ZNF385D: variants seen among roughly 807,000 people sequenced by gnomAD.
The protein encoded by ZNF385D is zinc finger protein 659.
In ZNF385D, 15 loss-of-function variants were observed where a neutral mutation model predicts 35.8. The ratio of observed to expected loss-of-function variants is 0.42; its 90% CI spans 0.28 to 0.64. ZNF385D has a LOEUF of 0.64. Among genes scored for constraint, ZNF385D ranks in the 30% least tolerant of loss-of-function variants. The pLI, the probability that ZNF385D is intolerant of heterozygous loss-of-function variation, is 0.23. For synonymous variants in ZNF385D, 212 were observed against 186.8 expected, an observed-to-expected ratio of 1.13 and a Z score of -1.10; for missense variants, 474 against 494.6, an observed-to-expected ratio of 0.96 and a Z score of 0.39.
chr3:21,519,048 G>T lies in ZNF385D; in HGVS notation c.277-8025C>A, dbSNP rs566955702. Among the ~76,000 whole-genome samples the T allele has an allele frequency of 1.3e-3, 204 of 152,126 alleles. 1 individual carries two copies. Among genetic ancestry groups the T allele is most frequent in the African/African-American group, 4.6e-3 (192 of 41,528 alleles). ...ATTCTTTTGAGCTCAAGTGATTGAT[G>T]CTTTACTTTAAATGTATTCCTGTCT... is the stretch of plus-strand genomic sequence containing the variant. On this transcript the variant is annotated intron_variant, in intron 3 of 7. Transcript: ENST00000281523.
intron 3 of ZNF385D, among the ~76,000 whole-genome samples, chr3:21,787,944 C>CAAAAAAAAAAAAAAAAAAAAAAAAAAAA (rs560982379): frequency 4.0e-5 from 3 of 75,382 alleles, no homozygotes; most frequent in Admixed American, 1.7e-4. Context: ...TTCGTCTCAA[C>CAAAAAAAAAAAAAAAAAAAAAAAAAAAA]AAAAAAAAAA....
At chr3:22,143,018 A>T (rs888038335) in intron 3 of ZNF385D, among the ~76,000 whole-genome samples, 7 of 133,404 alleles carry the variant, frequency 5.2e-5, no homozygotes, top group African/African-American at 2.1e-4. Flanking sequence ...CAATAATAAT[A>T]AAAAAAAAAG....
intron 1 of ZNF385D, among the ~76,000 whole-genome samples, chr3:21,676,376 C>T (rs1175478810): frequency 6.6e-6 from 1 of 152,090 alleles, no homozygotes; most frequent in Non-Finnish European, 1.5e-5. Context: ...GCAGGTTGTG[C>T]TTAAAACAAA....
chr3:21,877,071 G>C (rs1042421062), intron 3 of ZNF385D, among the ~76,000 whole-genome samples: 6 of 152,066 alleles, frequency 3.9e-5, no homozygotes, highest in African/African-American at 1.4e-4. Flanking sequence ...CTAGAGGGTT[G>C]TAACTACCAT....
intron 3 of ZNF385D, among the ~76,000 whole-genome samples, chr3:21,944,898 C>T (rs1443641400): frequency 2.0e-5 from 3 of 152,018 alleles, no homozygotes; most frequent in African/African-American, 7.2e-5. Context: ...CCTTCATCTT[C>T]ATTTTATAGA....
intron 2 of ZNF385D, among the ~76,000 whole-genome samples, chr3:22,300,804 T>C (rs935234636): frequency 6.6e-6 from 1 of 151,876 alleles, no homozygotes; most frequent in Non-Finnish European, 1.5e-5. Flanking sequence ...GGTAATAACA[T>C]GGAAAAAAGG....
At chr3:21,964,832 T>C (rs1473705810) in intron 3 of ZNF385D, among the ~76,000 whole-genome samples, 1 of 152,144 alleles carries the variant, frequency 6.6e-6, no homozygotes, top group Non-Finnish European at 1.5e-5. Context: ...CTTTGTTGTA[T>C]GTTCAAAGGT....
chr3:21,834,834 T>G (rs2125772539), intron 3 of ZNF385D, among the ~76,000 whole-genome samples: 1 of 152,186 alleles, frequency 6.6e-6, no homozygotes, highest in East Asian at 1.9e-4. Context: ...CGACATCTGG[T>G]GGTTTAAAAG....
intron 3 of ZNF385D, among the ~76,000 whole-genome samples, chr3:21,817,161 G>A (rs537589673): frequency 6.6e-6 from 1 of 152,152 alleles, no homozygotes; most frequent in Admixed American, 6.5e-5. Flanking sequence ...ATCCCTTCTT[G>A]ACACCTTATA....
intron 3 of ZNF385D, among the ~76,000 whole-genome samples, chr3:22,130,666 C>T (rs1481297094): frequency 6.6e-6 from 1 of 152,130 alleles, no homozygotes; most frequent in African/African-American, 2.4e-5. Flanking sequence ...CTTCCCACAC[C>T]ATTTGACACT....
At chr3:22,196,888 C>G (rs1300480968) in intron 2 of ZNF385D, among the ~76,000 whole-genome samples, 1 of 152,046 alleles carries the variant, frequency 6.6e-6, no homozygotes, top group African/African-American at 2.4e-5. Context: ...ATTTATTGAG[C>G]ATGGGTCTGC....
chr3:22,136,331 T>C (rs1395201584), intron 3 of ZNF385D, among the ~76,000 whole-genome samples: 3 of 151,876 alleles, frequency 2.0e-5, no homozygotes, highest in Admixed American at 1.3e-4. Context: ...GAGGTTGCAC[T>C]GAGCCAAGAT....
At chr3:21,963,090 C>A (rs999681086) in intron 3 of ZNF385D, among the ~76,000 whole-genome samples, 1 of 152,198 alleles carries the variant, frequency 6.6e-6, no homozygotes, top group Non-Finnish European at 1.5e-5. Flanking sequence ...CCCAACCTGG[C>A]CTTAATGACC....
chr3:21,884,020 C>T (rs1698411038), intron 3 of ZNF385D, among the ~76,000 whole-genome samples: 1 of 151,916 alleles, frequency 6.6e-6, no homozygotes, highest in Admixed American at 6.6e-5. Flanking sequence ...GTTGCTAAGG[C>T]TTTTAGAGCT....
At chr3:21,546,428 A>G (rs2062373442) in intron 3 of ZNF385D, among the ~76,000 whole-genome samples, 1 of 152,186 alleles carries the variant, frequency 6.6e-6, no homozygotes, top group Non-Finnish European at 1.5e-5. Context: ...AAATCCCAGC[A>G]AGCCTAACTA....
At chr3:21,713,471 T>C (rs934669545) in intron 1 of ZNF385D, among the ~76,000 whole-genome samples, 3 of 152,114 alleles carry the variant, frequency 2.0e-5, no homozygotes, top group African/African-American at 4.8e-5. Flanking sequence ...TTCTAAGTGC[T>C]CTTCATCACC....
At chr3:22,061,978 T>C (rs1699710394) in intron 3 of ZNF385D, among the ~76,000 whole-genome samples, 1 of 152,224 alleles carries the variant, frequency 6.6e-6, no homozygotes, top group African/African-American at 2.4e-5. Context: ...TCAATAAGTA[T>C]TCACTGAATA....
chr3:21,687,158 C>T (rs1265447504), intron 1 of ZNF385D, among the ~76,000 whole-genome samples: 2 of 152,146 alleles, frequency 1.3e-5, no homozygotes, highest in Non-Finnish European at 2.9e-5. Context: ...CCCAGATCCA[C>T]AGTCAACAGC....
At chr3:21,511,554 C>T (rs1707202828) in intron 3 of ZNF385D, 1 of 381,890 alleles carries the variant, frequency 2.6e-6, no homozygotes, top group Non-Finnish European at 5.2e-6. Flanking sequence ...AAAGCAAATG[C>T]ACTTCTTAAG....
Sources: allele counts gnomAD v4.1 joint callset (sites outside exome capture counted in the v4.1 genomes callset), GRCh38; gene constraint gnomAD v4.1.1; transcripts MANE v1.5; gene names NCBI Gene and HGNC (gene_info 2026-07-23, HGNC 2026-07-21).